The following TLN2 variants were observed in gnomAD, a reference collection of about 807,000 sequenced individuals.
The protein encoded by TLN2 is talin-2.
Under a neutral mutation model 294.7 loss-of-function variants are expected in TLN2, and 118 were observed. The ratio of observed to expected loss-of-function variants is 0.40; its 90% CI spans 0.34 to 0.47. The LOEUF (loss-of-function observed/expected upper bound fraction) is 0.47, where lower values mean the gene tolerates loss of function less well. TLN2 is among the 20% of genes least tolerant of loss of function. TLN2 has a pLI of 0.84. For synonymous variants in TLN2, 1,431 were observed against 1,304.5 expected, an observed-to-expected ratio of 1.10 and a Z score of -2.09; for missense variants, 3,083 against 3,282.2, an observed-to-expected ratio of 0.94 and a Z score of 1.48.
intron 1 of TLN2, among the ~76,000 whole-genome samples, chr15:62,513,349 C>G (rs898318392): frequency 1.3e-5 from 2 of 152,190 alleles, no homozygotes; most frequent in Non-Finnish European, 2.9e-5. Flanking sequence ...TGTGGTCCCT[C>G]CCAACACCTG....
chr15:62,435,582 C>T (rs1383313400), intron 1 of TLN2, among the ~76,000 whole-genome samples: 1 of 152,122 alleles, frequency 6.6e-6, no homozygotes, highest in Admixed American at 6.6e-5. Flanking sequence ...GCTCTTGTCA[C>T]CCAGGCTGGA....
At chr15:62,654,771 AAAAAAAAAAAAGT>A (rs1227260244) in intron 7 of TLN2, among the ~76,000 whole-genome samples, 1 of 151,042 alleles carries the variant, frequency 6.6e-6, no homozygotes, top group Non-Finnish European at 1.5e-5. Flanking sequence ...AAAAAAAAAA[AAAAAAAAAAAAGT>A]AACAGAATTC....
At chr15:62,832,135 A>G (rs1373500221) in intron 54 of TLN2, 1 of 138,444 alleles carries the variant, frequency 7.2e-6, no homozygotes, top group East Asian at 2.1e-4. Context: ...GTGAGAATTA[A>G]GTCATTGTAT....
intron 2 of TLN2, among the ~76,000 whole-genome samples, chr15:62,599,027 G>T (rs376351852): frequency 4.6e-5 from 7 of 152,288 alleles, no homozygotes; most frequent in African/African-American, 1.7e-4. Context: ...CATTGAGGAT[G>T]GGGTGGCTGT....
intron 22 of TLN2, among the ~76,000 whole-genome samples, chr15:62,713,671 T>TAA (rs2059574024): frequency 2.0e-5 from 3 of 151,772 alleles, no homozygotes; most frequent in Non-Finnish European, 4.4e-5. Flanking sequence ...ACTGCAAGAC[T>TAA]CTGTCTCAAA....
At chr15:62,764,675 C>A (rs1338757182) in intron 40 of TLN2, among the ~76,000 whole-genome samples, 1 of 152,040 alleles carries the variant, frequency 6.6e-6, no homozygotes, top group Non-Finnish European at 1.5e-5. Flanking sequence ...AAGTTGAGGC[C>A]AGGCGCTGTG....
intron 1 of TLN2, among the ~76,000 whole-genome samples, chr15:62,446,125 G>A (rs1323575518): frequency 6.6e-6 from 1 of 152,012 alleles, no homozygotes; most frequent in Non-Finnish European, 1.5e-5. Flanking sequence ...TCCTGGCTCA[G>A]CCTCTAGAGT....
intron 1 of TLN2, among the ~76,000 whole-genome samples, chr15:62,457,180 A>G (rs1044241053): frequency 6.6e-6 from 1 of 152,142 alleles, no homozygotes; most frequent in Admixed American, 6.5e-5. Context: ...TGCTAGCATG[A>G]TTGGGTTCTG....
chr15:62,458,911 A>C (rs1174124009), intron 1 of TLN2, among the ~76,000 whole-genome samples: 2 of 152,018 alleles, frequency 1.3e-5, no homozygotes, highest in African/African-American at 4.8e-5. Context: ...TAGAAGACCT[A>C]AGGAGGGGAG....
Position 62,540,236 on chromosome 15 carries a change from A to G in TLN2, c.-237-49451A>G, listed in dbSNP as rs35196852. ...GGTCCTGTAATCCCAGCTACTTGGG[A>G]GGCTGAGGCAGGAGAATCGCTTGAA... On this transcript the variant is annotated intron_variant, in intron 1 of 58. Transcript: ENST00000636159. Among the ~76,000 whole-genome samples the G allele has an allele frequency of 2.3e-3, 355 of 152,198 alleles. 1 individual carries two copies. The highest frequency in any genetic ancestry group is 3.1e-3 in the Non-Finnish European group (210 of 67,994).
At chr15:62,772,875 G>T (rs1481578286) in intron 42 of TLN2, among the ~76,000 whole-genome samples, 1 of 151,880 alleles carries the variant, frequency 6.6e-6, no homozygotes, top group Non-Finnish European at 1.5e-5. Context: ...TGTTGTCCAG[G>T]CTGGTCTTGA....
intron 52 of TLN2, among the ~76,000 whole-genome samples, chr15:62,816,498 G>A (rs548861162): frequency 2.0e-5 from 3 of 152,256 alleles, no homozygotes; most frequent in South Asian, 2.1e-4. Context: ...CTTCTCCTCC[G>A]TTATCTAAAG....
intron 12 of TLN2, among the ~76,000 whole-genome samples, chr15:62,689,068 CTTTTTTT>C (rs796645804): frequency 8.6e-6 from 1 of 116,638 alleles, no homozygotes; most frequent in Non-Finnish European, 1.8e-5. Context: ...TTCTCTCTCT[CTTTTTTT>C]TTTTTTTTTT....
intron 2 of TLN2, among the ~76,000 whole-genome samples, chr15:62,608,995 G>A (rs1232921128): frequency 6.6e-6 from 1 of 152,082 alleles, no homozygotes; most frequent in Non-Finnish European, 1.5e-5. Context: ...TTGAGGCTGT[G>A]CAAGGGAGCA....
intron 4 of TLN2, among the ~76,000 whole-genome samples, chr15:62,649,129 A>C (rs183655656): frequency 2.9e-4 from 44 of 152,326 alleles, no homozygotes; most frequent in Admixed American, 1.3e-3. Context: ...GGCGTGAGCA[A>C]CTGCGCCCCC....
intron 54 of TLN2, chr15:62,828,473 C>CTCTT (rs2068436990): frequency 1.3e-5 from 2 of 152,266 alleles, no homozygotes. Flanking sequence ...CATCTGTTCA[C>CTCTT]TCTTTTTCCC....
In TLN2 at chr15:62,421,533, G is replaced by A. The variant is rs374992145; in HGVS notation, c.-238+30848G>A. ...GATCATGTCCTTTGCAGGAACACAG[G>A]TGGAGCTGGAGGCCATTATCCTTAG... On this transcript the variant is annotated intron_variant, in intron 1 of 58. Transcript: ENST00000636159. Among the ~76,000 whole-genome samples, 102 of 152,264 alleles carry A rather than the reference G, an allele frequency of 6.7e-4. 1 individual carries two copies. Among genetic ancestry groups the A allele is most frequent in the African/African-American group, 2.4e-3 (99 of 41,536 alleles).
chr15:62,514,391 C>G (rs559725765), intron 1 of TLN2, among the ~76,000 whole-genome samples: 3 of 152,284 alleles, frequency 2.0e-5, no homozygotes, highest in African/African-American at 7.2e-5. Flanking sequence ...TCTCCCTTTA[C>G]AAGTACGTAT....
chr15:62,734,914 G>C lies in TLN2; in HGVS notation c.3359-1964G>C, dbSNP rs2060923441. 2.0e-5 allele frequency among the ~76,000 whole-genome samples: 3 copies of C among 152,360 alleles called. No homozygotes were observed. The South Asian group carries it at 6.2e-4, about 32-fold the overall frequency. ...CTGCTGTGGAGGTGCTGACTCAGCT[G>C]AAGCAGTGGCTGGTAAAGACTACAC... On this transcript the variant is annotated intron_variant, in intron 28 of 58. Transcript: ENST00000636159.
Sources: gnomAD v4.1 joint callset for allele counts (sites outside exome capture counted in the v4.1 genomes callset) on GRCh38, gnomAD v4.1.1 for gene constraint, MANE v1.5 for transcripts, NCBI Gene and HGNC (gene_info 2026-07-23, HGNC 2026-07-21) for gene names.